Variants in NELL1 observed in about 807,000 individuals in gnomAD.
NELL1 encodes the protein neural EGFL like 1.
NELL1 carries 76 observed loss-of-function variants against 107.4 expected under a neutral mutation model. The ratio of observed to expected loss-of-function variants is 0.71; its 90% CI spans 0.59 to 0.86. The LOEUF (loss-of-function observed/expected upper bound fraction) is 0.86, where lower values mean the gene tolerates loss of function less well. Ranked by LOEUF, NELL1 falls within the 40% of genes least tolerant of loss-of-function variation. The pLI, the probability that NELL1 is intolerant of heterozygous loss-of-function variation, is 0.00. For missense variants in NELL1, 1,024 were observed against 1,005.5 expected, an observed-to-expected ratio of 1.02 and a Z score of -0.25; for synonymous variants, 353 against 341.2, an observed-to-expected ratio of 1.03 and a Z score of -0.38.
intron 2 of NELL1, among the ~76,000 whole-genome samples, chr11:20,733,642 A>C (rs1048951224): frequency 6.6e-6 from 1 of 152,228 alleles, no homozygotes. Flanking sequence ...CTGTGCAGTC[A>C]TTGAGGCTAC....
intron 9 of NELL1, among the ~76,000 whole-genome samples, chr11:20,930,709 T>G (rs924093119): frequency 1.3e-5 from 2 of 152,158 alleles, no homozygotes; most frequent in African/African-American, 2.4e-5. Context: ...TTTTTCTTTG[T>G]GCTAATTTGT....
rs570444721 is a variant in NELL1 at position 21,345,797 on chromosome 11, T to G, written c.1550-25056T>G. 2.0e-5 allele frequency among the ~76,000 whole-genome samples: 3 copies of G among 152,324 alleles called. No homozygotes were observed. The South Asian group carries it at 6.2e-4, about 32-fold the overall frequency. The stretch of plus-strand genomic sequence containing the variant: ...TTCTTCAATATCACTGTTTGTGTGC[T>G]TTGAATTTTTCACAGAACTTACAGC... On this transcript the variant is annotated intron_variant, in intron 14 of 19. Coordinates refer to ENST00000357134, the MANE Select transcript of NELL1 (RefSeq NM_006157.5).
In NELL1 at chr11:21,176,795, A is replaced by G. The variant is rs574309269; in HGVS notation, c.1427-52537A>G. 1.1e-3 allele frequency among the ~76,000 whole-genome samples: 164 copies of G among 151,706 alleles called. 7 individuals carry two copies. Among genetic ancestry groups the G allele is most frequent in the African/African-American group, 3.9e-3 (159 of 41,078 alleles). Reference sequence around the variant, plus strand: ...GACAGAAATGTGAATTTCTGATAATATGGGTTCTTGATGAAACTTCATATC... The same window carrying G: ...GACAGAAATGTGAATTTCTGATAATGTGGGTTCTTGATGAAACTTCATATC... On this transcript the variant is annotated intron_variant, in intron 13 of 19. Coordinates refer to ENST00000357134, the MANE Select transcript of NELL1 (RefSeq NM_006157.5).
At chr11:20,774,057 CCCTCCT>C in intron 2 of NELL1, among the ~76,000 whole-genome samples, 1 of 80,224 alleles carries the variant, frequency 1.2e-5, no homozygotes, top group African/African-American at 5.2e-5. Context: ...CCCTCCCCTC[CCCTCCT>C]GTCCCCTTCC....
At chr11:20,703,114 C>T (rs888876613) in intron 2 of NELL1, among the ~76,000 whole-genome samples, 1 of 152,104 alleles carries the variant, frequency 6.6e-6, no homozygotes, top group African/African-American at 2.4e-5. Context: ...TAGAATTCAG[C>T]TGTGAATCTG....
At chr11:20,897,484 A>G (rs1849766941) in intron 5 of NELL1, among the ~76,000 whole-genome samples, 1 of 152,236 alleles carries the variant, frequency 6.6e-6, no homozygotes, top group South Asian at 2.1e-4. Flanking sequence ...AGGCAATACC[A>G]TTCAGGAAGG....
At chr11:21,495,689 A>T (rs2133923365) in intron 15 of NELL1, among the ~76,000 whole-genome samples, 1 of 152,120 alleles carries the variant, frequency 6.6e-6, no homozygotes, top group East Asian at 1.9e-4. Flanking sequence ...TCACTTTTTG[A>T]TTCAAGTTGT....
At chr11:20,728,444 T>A (rs1018935582) in intron 2 of NELL1, among the ~76,000 whole-genome samples, 6 of 152,192 alleles carry the variant, frequency 3.9e-5, no homozygotes, top group Admixed American at 6.5e-5. Flanking sequence ...TAGTTTGATG[T>A]CTTACATTTA....
At chr11:21,041,643 A>G (rs868468275) in intron 12 of NELL1, among the ~76,000 whole-genome samples, 19 of 152,332 alleles carry the variant, frequency 1.2e-4, no homozygotes, top group South Asian at 4.1e-4. Context: ...AGGTTTTTAT[A>G]CTAGACCATT....
chr11:21,284,724 T>C (rs189968075), intron 14 of NELL1: 24 of 348,116 alleles, frequency 6.9e-5, no homozygotes, highest in African/African-American at 4.5e-4. Flanking sequence ...TTCAAGGCAA[T>C]GTGACAATTT....
intron 13 of NELL1, among the ~76,000 whole-genome samples, chr11:21,203,360 C>A (rs1405575121): frequency 6.6e-6 from 1 of 151,404 alleles, no homozygotes; most frequent in Non-Finnish European, 1.5e-5. Flanking sequence ...GCATTGATCC[C>A]ATTACCATTA....
At chr11:21,509,802 A>C (rs1293203786) in intron 15 of NELL1, among the ~76,000 whole-genome samples, 1 of 152,234 alleles carries the variant, frequency 6.6e-6, no homozygotes, top group Non-Finnish European at 1.5e-5. Context: ...TGCCTATATT[A>C]TAGTATCCTT....
Position 21,573,491 on chromosome 11 carries a change from A to C in NELL1, c.2382+82A>C, listed in dbSNP as rs1857151799. ...AGGAGGTCCACTCCTGATGTTTCTG[A>C]ATACACAGGTTCAATGGACATGGTG... On this transcript the variant is annotated intron_variant, in intron 19 of 19. Coordinates refer to ENST00000357134, the MANE Select transcript of NELL1 (RefSeq NM_006157.5). 3 of 1,182,290 alleles carry C rather than the reference A, an allele frequency of 2.5e-6. No individual in the cohort carries two copies. In the Admixed American group the frequency reaches 5.2e-5, roughly 21 times the overall value. The allele number at this position is 1,182,290 out of a possible 1,614,324, so 73.2% of individuals were successfully genotyped here.
chr11:21,088,434 A>C (rs1434073842), intron 12 of NELL1, among the ~76,000 whole-genome samples: 1 of 152,182 alleles, frequency 6.6e-6, no homozygotes, highest in African/African-American at 2.4e-5. Flanking sequence ...CAACAAATCT[A>C]GTGAGTCCAG....
chr11:21,110,866 T>C lies in NELL1; in HGVS notation c.1301-2723T>C, dbSNP rs1421984894. ...TTAAAACAGAGAAATTGAATTGTGT[T>C]ACTACCCTGATGAAAGTCTGAGCTC... is the stretch of plus-strand genomic sequence containing the variant. On this transcript the variant is annotated intron_variant, in intron 12 of 19. Transcript: ENST00000357134. Among the ~76,000 whole-genome samples the C allele has an allele frequency of 2.6e-5, 4 of 152,142 alleles. No individual in the cohort carries two copies. In the East Asian group the frequency reaches 7.7e-4, roughly 29 times the overall value.
At chr11:21,446,985 A>G (rs1590939094) in intron 15 of NELL1, among the ~76,000 whole-genome samples, 1 of 152,266 alleles carries the variant, frequency 6.6e-6, no homozygotes, top group Non-Finnish European at 1.5e-5. Flanking sequence ...CTGAAACCAC[A>G]AGACAGAGTT....
intron 14 of NELL1, among the ~76,000 whole-genome samples, chr11:21,334,762 C>T (rs1361920138): frequency 2.0e-5 from 3 of 151,938 alleles, no homozygotes; most frequent in Non-Finnish European, 4.4e-5. Context: ...CGTTGAGTAA[C>T]TGCAATTGTG....
At chr11:20,741,796 AT>A (rs1855896966) in intron 2 of NELL1, among the ~76,000 whole-genome samples, 1 of 152,178 alleles carries the variant, frequency 6.6e-6, no homozygotes, top group Non-Finnish European at 1.5e-5. Context: ...TAGATGGAGT[AT>A]TTGTCAGGGG....
At chr11:20,815,897 T>G (rs1442617818) in intron 3 of NELL1, among the ~76,000 whole-genome samples, 1 of 152,182 alleles carries the variant, frequency 6.6e-6, no homozygotes. Context: ...CTGGCAACAT[T>G]TATTGAATGG....
Sources: gnomAD v4.1 joint callset for allele counts (sites outside exome capture counted in the v4.1 genomes callset) on GRCh38, gnomAD v4.1.1 for gene constraint, MANE v1.5 for transcripts, NCBI Gene and HGNC (gene_info 2026-07-23, HGNC 2026-07-21) for gene names.